The following PDS5B variants were observed in gnomAD, a reference collection of about 807,000 sequenced individuals.
PDS5B encodes the protein sister chromatid cohesion protein PDS5 homolog B.
A neutral mutation model predicts 184.1 loss-of-function variants in PDS5B; 51 were observed. The ratio of observed to expected loss-of-function variants is 0.28; its 90% confidence interval spans 0.22 to 0.35. The LOEUF is 0.35. PDS5B is among the 10% of genes least tolerant of loss of function. The pLI is 1.00. For synonymous variants in PDS5B, 566 were observed against 569.2 expected, an observed-to-expected ratio of 0.99 and a Z score of 0.08; for missense variants, 1,180 against 1,723.3, an observed-to-expected ratio of 0.68 and a Z score of 5.58.
chr13:32,734,778 A>G (rs1184720301), intron 20 of PDS5B, among the ~76,000 whole-genome samples: 2 of 152,230 alleles, frequency 1.3e-5, no homozygotes, highest in Non-Finnish European at 2.9e-5. Context: ...TTAACTGCAC[A>G]GGAAGCTGCA....
chr13:32,599,417 A>G (rs2057937018), intron 1 of PDS5B, among the ~76,000 whole-genome samples: 1 of 151,772 alleles, frequency 6.6e-6, no homozygotes, highest in South Asian at 2.1e-4. Flanking sequence ...GGTGCACGCC[A>G]CCATGCCCAG....
At chr13:32,674,585 A>T (rs910104017) in intron 8 of PDS5B, among the ~76,000 whole-genome samples, 6 of 151,802 alleles carry the variant, frequency 4.0e-5, no homozygotes, top group Non-Finnish European at 8.8e-5. Flanking sequence ...TATAAAAATA[A>T]GGAAATTATC....
intron 31 of PDS5B, among the ~76,000 whole-genome samples, chr13:32,768,872 C>T (rs34233860): frequency 0.032 from 4,427 of 137,630 alleles, 95 homozygotes; most frequent in Middle Eastern, 0.073. Context: ...GAGGCCGAGG[C>T]GGGCGGATCA....
intron 3 of PDS5B, among the ~76,000 whole-genome samples, chr13:32,655,374 A>ATATATATATATATATATTTT: frequency 1.4e-5 from 1 of 72,462 alleles, no homozygotes; most frequent in African/African-American, 8.3e-5. Flanking sequence ...ATATATATAT[A>ATATATATATATATATATTTT]TTTTTTTTTT....
intron 21 of PDS5B, among the ~76,000 whole-genome samples, chr13:32,738,387 T>TA (rs1953414227): frequency 6.6e-6 from 1 of 152,236 alleles, no homozygotes; most frequent in African/African-American, 2.4e-5. Context: ...ATCTAATAGA[T>TA]ACAGTATCTC....
intron 12 of PDS5B, 27 bp from the exon 13 acceptor site, chr13:32,688,429 T>C (rs1357541306): frequency 1.7e-6 from 2 of 1,159,360 alleles, no homozygotes; most frequent in Admixed American, 2.1e-5. Context: ...AAAAAATCAA[T>C]ACAATGCCTT....
intron 1 of PDS5B, among the ~76,000 whole-genome samples, chr13:32,605,336 A>G (rs958422127): frequency 1.3e-5 from 2 of 152,172 alleles, no homozygotes; most frequent in Admixed American, 6.5e-5. Context: ...TGTACCCAGT[A>G]GTCATTCAGG....
At chr13:32,652,212 T>C (rs2140666852) in intron 3 of PDS5B, 1 of 467,072 alleles carries the variant, frequency 2.1e-6, no homozygotes, top group East Asian at 3.4e-5. Flanking sequence ...AGTAGATTAA[T>C]ACAGTGTGTA....
chr13:32,613,947 T>C (rs1344863905), intron 1 of PDS5B, among the ~76,000 whole-genome samples: 2 of 152,226 alleles, frequency 1.3e-5, no homozygotes, highest in Non-Finnish European at 2.9e-5. Flanking sequence ...ATTCATTCTT[T>C]TGCGTGTTGA....
rs150834729 is a variant in PDS5B, at chr13:32,724,883, T to G, written c.2124-7218T>G. ...GTGTGAGCCACTGTGCCTGGCCATA[T>G]TTCTTTATTTTCTCTAAAATGATGG... is the stretch of plus-strand genomic sequence containing the variant. On this transcript the variant is annotated intron_variant, in intron 19 of 34. Coordinates refer to ENST00000315596, the MANE Select transcript of PDS5B (RefSeq NM_015032.4). 4.1e-3 allele frequency among the ~76,000 whole-genome samples: 630 copies of G among 152,306 alleles called. 6 individuals are homozygous for G. Among genetic ancestry groups the G allele is most frequent in the African/African-American group, 0.014 (588 of 41,576 alleles).
Position 32,661,730 on chromosome 13 carries a change from T to C in PDS5B, c.624+2450T>C, listed in dbSNP as rs548620041. On this transcript the variant is annotated intron_variant, in intron 6 of 34. Coordinates refer to ENST00000315596, the MANE Select transcript of PDS5B (RefSeq NM_015032.4). ...AGGAAATCCTTGTCCAGGCCCATCC[T>C]GAAATTGTGGAATACTGAAAGAGAA... Among the ~76,000 whole-genome samples the C allele has an allele frequency of 1.3e-4, 20 of 151,860 alleles. No homozygotes were observed. In the South Asian group the frequency reaches 4.1e-3, roughly 32 times the overall value.
chr13:32,715,922 A>T (rs980705884), intron 19 of PDS5B, among the ~76,000 whole-genome samples: 1 of 152,344 alleles, frequency 6.6e-6, no homozygotes, highest in Middle Eastern at 3.4e-3. Flanking sequence ...CGGCCTCCCG[A>T]GGTGCCGGGA....
At position 32,694,073 on chromosome 13, in the gene PDS5B, C is replaced by G. The variant is rs529813345; in HGVS notation, c.1470-150C>G. ...TTATATTTGATTCCATTCTTTCCCT[C>G]TACACATTATCAGTTGCTTAGTCCT... is the stretch of plus-strand genomic sequence containing the variant. On this transcript the variant is annotated intron_variant, in intron 13 of 34. Transcript: ENST00000315596. 63 of 581,040 alleles carry G rather than the reference C, an allele frequency of 1.1e-4. No homozygotes were observed. In the South Asian group the frequency reaches 1.3e-3, roughly 12 times the overall value. The allele number at this position is 581,040 out of a possible 1,614,324, so 36.0% of individuals were successfully genotyped here.
chr13:32,758,801 G>T, intron 28 of PDS5B, 148 bp downstream of exon 28: 1 of 734,968 alleles, frequency 1.4e-6, no homozygotes, highest in Non-Finnish European at 2.3e-6. Context: ...AGTCAAACTG[G>T]AGGACACACA....
chr13:32,760,389 C>T (rs1275023076), intron 29 of PDS5B, among the ~76,000 whole-genome samples, 186 bp from the exon 30 acceptor site: 1 of 152,170 alleles, frequency 6.6e-6, no homozygotes, highest in Non-Finnish European at 1.5e-5. Context: ...AACTGTTATG[C>T]TGTCTGTATA....
In PDS5B at chr13:32,775,097, CTT is replaced by C. The variant is rs368080614; in HGVS notation, c.*59_*60del. 4.0e-4 allele frequency: 345 copies of C among 863,556 alleles called. 1 individual carries two copies. The highest frequency in any genetic ancestry group is 4.3e-4 in the Non-Finnish European group (253 of 591,716). The allele number at this position is 863,556 out of a possible 1,614,324, so 53.5% of individuals were successfully genotyped here. A position where few individuals can be genotyped will look rare whatever the true frequency, so the allele number is the denominator to read the frequency against. ...TTCTCTGTGAAAGCTTTGGAAAAATCTTTTTTTTTTTTTTTGGTCAAGCTTGA... is the reference window on the plus strand; with the variant it reads ...TTCTCTGTGAAAGCTTTGGAAAAATCTTTTTTTTTTTTTGGTCAAGCTTGA... On this transcript the variant is annotated 3_prime_UTR_variant, in exon 35 of 35. Coordinates refer to ENST00000315596, the MANE Select transcript of PDS5B (RefSeq NM_015032.4).
chr13:32,720,612 T>A (rs1055228169), intron 19 of PDS5B, among the ~76,000 whole-genome samples: 1 of 149,254 alleles, frequency 6.7e-6, no homozygotes, highest in Non-Finnish European at 1.5e-5. Flanking sequence ...ATTTTTTATT[T>A]TTATTTATTT....
chr13:32,750,847 CTGTGTGTGTGTGTG>C lies in PDS5B; in HGVS notation c.2737-2457_2737-2444del, dbSNP rs71194534. 6.7e-3 allele frequency among the ~76,000 whole-genome samples: 965 copies of C among 143,524 alleles called. 9 individuals are homozygous for C. The highest frequency in any genetic ancestry group is 0.023 in the African/African-American group (888 of 38,336). 94.2% of individuals were successfully genotyped at this position (143,524 alleles called of 152,430 possible). A position where few individuals can be genotyped will look rare whatever the true frequency, so the allele number is the denominator to read the frequency against. On this transcript the variant is annotated intron_variant, in intron 24 of 34. Coordinates refer to ENST00000315596, the MANE Select transcript of PDS5B (RefSeq NM_015032.4). ...GTGAGCCACTGCGCCCGGCCTCCCT[CTGTGTGTGTGTGTG>C]TGTGTGTGTGTGTGTGTGTGTGTGT... is the stretch of plus-strand genomic sequence containing the variant.
At chr13:32,723,032 C>G (rs554130325) in intron 19 of PDS5B, among the ~76,000 whole-genome samples, 3 of 152,146 alleles carry the variant, frequency 2.0e-5, no homozygotes, top group Non-Finnish European at 4.4e-5. Context: ...CAGGGATATT[C>G]ATGGTATTGT....
Sources: gnomAD v4.1 joint callset for allele counts (sites outside exome capture counted in the v4.1 genomes callset) on GRCh38, gnomAD v4.1.1 for gene constraint, MANE v1.5 for transcripts, NCBI Gene and HGNC (gene_info 2026-07-23, HGNC 2026-07-21) for gene names.